MAP3K15: variants seen among roughly 807,000 people sequenced by gnomAD.
MAP3K15 encodes the protein MAPK/ERK kinase kinase 15.
A neutral mutation model predicts 99.5 loss-of-function variants in MAP3K15; 124 were observed. That is an observed-to-expected ratio of 1.25 (90% CI 1.08 to 1.45). The LOEUF (loss-of-function observed/expected upper bound fraction) is 1.45, where lower values mean the gene tolerates loss of function less well. Ranked by LOEUF, MAP3K15 falls within the 40% of genes most tolerant of loss-of-function variation. The pLI is 0.00. For missense variants in MAP3K15, 1,242 were observed against 1,079.7 expected (o/e 1.15, Z -2.11); for synonymous variants, 494 against 439.6 (o/e 1.12, Z -1.55).
intron 6 of MAP3K15, among the ~76,000 whole-genome samples, chrX:19,456,069 C>A (rs949059749): frequency 8.1e-5 from 9 of 110,941 alleles, no homozygotes; most frequent in Non-Finnish European, 1.7e-4. Flanking sequence ...CCACAGAGAC[C>A]ATGAAGCTTT....
intron 7 of MAP3K15, among the ~76,000 whole-genome samples, chrX:19,427,727 A>T (rs772901095): frequency 5.4e-5 from 6 of 111,647 alleles, no homozygotes. Context: ...TATACCAAAG[A>T]CTTGCTAGTA....
chrX:19,467,073 A>G (rs999801579), intron 3 of MAP3K15, among the ~76,000 whole-genome samples: 4 of 111,629 alleles, frequency 3.6e-5, no homozygotes, highest in African/African-American at 1.3e-4. Flanking sequence ...TCTTCCTCCA[A>G]TGTGGCCCAG....
At chrX:19,363,987 CAGTG>C (rs2063316819) in intron 25 of MAP3K15, among the ~76,000 whole-genome samples, 2 of 111,416 alleles carry the variant, frequency 1.8e-5, no homozygotes, top group Admixed American at 1.9e-4. Flanking sequence ...AGAGCAGGGA[CAGTG>C]AGTGAGACAT....
chrX:19,373,201 G>A (rs775226532), intron 21 of MAP3K15: 149 of 174,257 alleles, frequency 8.6e-4, no homozygotes, highest in African/African-American at 5.0e-3. Flanking sequence ...GGAGGGGGCC[G>A]GAAGATGCAG....
intron 6 of MAP3K15, among the ~76,000 whole-genome samples, chrX:19,440,354 C>G (rs16981167): frequency 0.041 from 4,641 of 112,497 alleles, 200 homozygotes; most frequent in African/African-American, 0.14. Context: ...CAAATACACA[C>G]CTACCACAAG....
Position 19,478,821 on chromosome X carries a change from C to T in MAP3K15, c.525+7661G>A, listed in dbSNP as rs2064270301. Among the ~76,000 whole-genome samples the T allele has an allele frequency of 3.7e-5, 4 of 107,394 alleles. No individual in the cohort carries two copies. The South Asian group carries it at 1.6e-3, about 43-fold the overall frequency. 93.3% of individuals were successfully genotyped at this position (107,394 alleles called of 115,157 possible). On this transcript the variant is annotated intron_variant, in intron 3 of 28. Transcript: ENST00000338883. Reference sequence around the variant, plus strand: ...AATTTAACTCTGCTTTTTAAAAAAACAACTGTGAACTCTGGCTTTAGGACA... The same window carrying T: ...AATTTAACTCTGCTTTTTAAAAAAATAACTGTGAACTCTGGCTTTAGGACA...
At chrX:19,368,920 T>C in intron 25 of MAP3K15, 134 bp downstream of exon 25, 1 of 617,734 alleles carries the variant, frequency 1.6e-6, no homozygotes, top group Non-Finnish European at 2.3e-6. Context: ...CTTGCCTAGT[T>C]CGTGGATGAT....
At chrX:19,389,888 G>A (rs186105732) in intron 18 of MAP3K15, among the ~76,000 whole-genome samples, 317 of 112,130 alleles carry the variant, frequency 2.8e-3, no homozygotes, top group African/African-American at 9.5e-3. Context: ...TGAAGTGCTA[G>A]TCATACACAC....
At chrX:19,434,082 C>T (rs1330376700) in intron 6 of MAP3K15, among the ~76,000 whole-genome samples, 1 of 112,148 alleles carries the variant, frequency 8.9e-6, no homozygotes, top group Non-Finnish European at 1.9e-5. Flanking sequence ...TGTTAATGTA[C>T]ATAGACAAAA....
intron 6 of MAP3K15, among the ~76,000 whole-genome samples, chrX:19,434,853 T>C (rs1035753556): frequency 2.7e-5 from 3 of 111,877 alleles, no homozygotes; most frequent in African/African-American, 9.7e-5. Context: ...ATCTAGACAC[T>C]TGGCGACCTT....
chrX:19,491,225 G>A (rs1299906780), intron 1 of MAP3K15, among the ~76,000 whole-genome samples: 1 of 111,471 alleles, frequency 9.0e-6, no homozygotes, highest in African/African-American at 3.3e-5. Flanking sequence ...TCTGATGGGT[G>A]CCAGGGATAG....
intron 1 of MAP3K15, among the ~76,000 whole-genome samples, chrX:19,504,405 G>A (rs1222750071): frequency 1.8e-5 from 2 of 110,611 alleles, no homozygotes; most frequent in Admixed American, 1.9e-4. Flanking sequence ...CTAGTCACGA[G>A]GGCCCAAGGG....
chrX:19,456,016 G>A (rs896338219), intron 6 of MAP3K15, among the ~76,000 whole-genome samples: 2 of 111,324 alleles, frequency 1.8e-5, no homozygotes, highest in Admixed American at 9.6e-5. Flanking sequence ...GCATCCTTGG[G>A]ATGCTGGGTT....
intron 6 of MAP3K15, among the ~76,000 whole-genome samples, chrX:19,442,261 C>G (rs1260494551): frequency 8.9e-6 from 1 of 111,794 alleles, no homozygotes; most frequent in African/African-American, 3.3e-5. Flanking sequence ...GGGCCACACC[C>G]TACTTCAATG....
intron 5 of MAP3K15, among the ~76,000 whole-genome samples, chrX:19,457,476 G>T (rs1018376095): frequency 9.0e-6 from 1 of 111,268 alleles, no homozygotes; most frequent in Non-Finnish European, 1.9e-5. Context: ...GCTGGGCATG[G>T]TGGCGGGCGC....
intron 12 of MAP3K15, 64 bp from the exon 13 acceptor site, chrX:19,407,347 C>T (rs1268778913): frequency 6.4e-5 from 38 of 594,850 alleles, no homozygotes; most frequent in Non-Finnish European, 5.3e-5. Context: ...ATCTGCAAGA[C>T]AATCTTTTCT....
At chrX:19,512,099 A>G (rs994379996) in intron 1 of MAP3K15, among the ~76,000 whole-genome samples, 1 of 111,309 alleles carries the variant, frequency 9.0e-6, no homozygotes, top group African/African-American at 3.3e-5. Context: ...GTTCTCACTC[A>G]TAAGTGGGAG....
intron 2 of MAP3K15, among the ~76,000 whole-genome samples, chrX:19,488,474 G>T: frequency 8.9e-6 from 1 of 111,889 alleles, no homozygotes; most frequent in Non-Finnish European, 1.9e-5. Context: ...GGATCCAATT[G>T]CTCATGAAGG....
At chrX:19,511,175 T>C (rs772038743) in intron 1 of MAP3K15, among the ~76,000 whole-genome samples, 1 of 111,978 alleles carries the variant, frequency 8.9e-6, no homozygotes, top group South Asian at 3.7e-4. Flanking sequence ...TAACTCAAGA[T>C]GGATTAAAGA....
Sources: allele counts gnomAD v4.1 joint callset (sites outside exome capture counted in the v4.1 genomes callset), GRCh38; gene constraint gnomAD v4.1.1; transcripts MANE v1.5; gene names NCBI Gene and HGNC (gene_info 2026-07-23, HGNC 2026-07-21).